Variants in ATF3 observed in about 807,000 individuals in gnomAD.
ATF3 encodes activating transcription factor 3.
ATF3 carries 10 observed loss-of-function variants against 18.4 expected under a neutral mutation model. The observed-to-expected ratio is 0.54, with a 90% CI of 0.34 to 0.92. ATF3 has a LOEUF of 0.92. ATF3 is among the 40% of genes least tolerant of loss of function. ATF3 has a pLI of 0.02. For synonymous variants in ATF3, 78 were observed against 87.9 expected (o/e 0.89, Z 0.63); for missense variants, 183 against 222.3 (o/e 0.82, Z 1.12).
In ATF3 at chr1:212,590,225, C is replaced by A. The variant is rs3106403; in HGVS notation, c.-5+24742C>A. Among the ~76,000 whole-genome samples, 543 of 148,752 alleles carry A rather than the reference C, an allele frequency of 3.7e-3. 3 individuals are homozygous for A. The highest frequency in any genetic ancestry group is 0.013 in the African/African-American group (512 of 40,530). ...GTTAATTCTAGTTTCATTTAATAAT[C>A]TGTAAGGCACGTAAGTTTAAGCTTT... is the stretch of plus-strand genomic sequence containing the variant. On this transcript the variant is annotated intron_variant, in intron 1 of 3. Transcript: ENST00000366981.
At chr1:212,576,935 G>A (rs1394027780) in intron 1 of ATF3, among the ~76,000 whole-genome samples, 1 of 151,124 alleles carries the variant, frequency 6.6e-6, no homozygotes, top group African/African-American at 2.4e-5. Flanking sequence ...GTTTCACCAC[G>A]TTGGCCAGGA....
chr1:212,602,681 G>A (rs1384846213), intron 1 of ATF3, among the ~76,000 whole-genome samples: 2 of 152,052 alleles, frequency 1.3e-5, no homozygotes, highest in Non-Finnish European at 2.9e-5. Flanking sequence ...TCCATCAAAG[G>A]GTGGTTACAA....
At chr1:212,567,343 G>A (rs1024105836) in intron 1 of ATF3, among the ~76,000 whole-genome samples, 23 of 152,278 alleles carry the variant, frequency 1.5e-4, no homozygotes, top group Middle Eastern at 3.4e-3. Context: ...GTGTTTACAC[G>A]GCAGTGGGCA....
At chr1:212,597,460 C>CTA (rs1429281314) in intron 1 of ATF3, among the ~76,000 whole-genome samples, 93 of 131,874 alleles carry the variant, frequency 7.1e-4, no homozygotes, top group African/African-American at 1.1e-3. Context: ...TCATCTATCT[C>CTA]TCTATCTAGC....
intron 1 of ATF3, among the ~76,000 whole-genome samples, chr1:212,590,563 T>C (rs1558230378): frequency 4.6e-5 from 7 of 152,210 alleles, no homozygotes. Flanking sequence ...GTTTTCAGTA[T>C]AAACACTTCC....
Position 212,619,168 on chromosome 1 carries a change from G to T in ATF3, c.349-190G>T. 1.9e-6 allele frequency: 3 copies of T among 1,613,488 alleles called. No homozygotes were observed. In the South Asian group the frequency reaches 3.3e-5, roughly 18 times the overall value. On this transcript the variant is annotated intron_variant, in intron 3 of 3. Coordinates refer to ENST00000341491, the MANE Select transcript of ATF3 (RefSeq NM_001674.4). The surrounding 1 kb of genome is among the most constrained non-coding windows in gnomAD (Gnocchi z 4.4). ...AGGCCGCCTCTGTGGCATCACCAGG[G>T]TTTCTCTGAAGAAGAGGGTCTGCAT...
intron 1 of ATF3, among the ~76,000 whole-genome samples, chr1:212,578,574 C>A (rs1423818682): frequency 6.6e-6 from 1 of 152,158 alleles, no homozygotes; most frequent in Admixed American, 6.5e-5. Context: ...TTATACTAAT[C>A]ATTTCTGAGG....
intron 1 of ATF3, among the ~76,000 whole-genome samples, chr1:212,578,585 T>A (rs1558226008): frequency 6.6e-6 from 1 of 152,028 alleles, no homozygotes; most frequent in East Asian, 1.9e-4. Context: ...ATTTCTGAGG[T>A]TTTTTTTAGT....
intron 2 of ATF3, 85 bp downstream of exon 2, chr1:212,615,346 T>C (rs1383190734): frequency 1.3e-6 from 2 of 1,506,030 alleles, no homozygotes; most frequent in Non-Finnish European, 1.8e-6. Context: ...GGCAGGGGGC[T>C]GTTGTTGAGA....
At chr1:212,581,332 A>G (rs757687466) in intron 1 of ATF3, among the ~76,000 whole-genome samples, 10 of 152,164 alleles carry the variant, frequency 6.6e-5, no homozygotes, top group Non-Finnish European at 1.2e-4. Context: ...AGTCCTAGCC[A>G]CATTCCTAGT....
rs186684920 is a variant in ATF3 at position 212,596,627 on chromosome 1, G to A, written c.-4-18391G>A. ...TGCTGTGGGGGGTGTGAAAGTTAAA[G>A]CTAAGGCTCTATATGCCAGAAAGAA... On this transcript the variant is annotated intron_variant, in intron 1 of 3. Coordinates refer to the ATF3 transcript ENST00000366981. 5.5e-4 allele frequency among the ~76,000 whole-genome samples: 84 copies of A among 152,344 alleles called. 1 individual carries two copies. The highest frequency in any genetic ancestry group is 1.9e-3 in the African/African-American group (81 of 41,572).
At chr1:212,607,908 T>TA (rs566547736), upstream of ATF3, among the ~76,000 whole-genome samples, 36,022 of 147,150 alleles carry the variant, frequency 0.24, 6,043 homozygotes, top group African/African-American at 0.48. Flanking sequence ...TTTGTGATTG[T>TA]AAAAAAAAAA....
chr1:212,570,647 C>CA (rs1453785268), intron 1 of ATF3, among the ~76,000 whole-genome samples: 1 of 152,176 alleles, frequency 6.6e-6, no homozygotes, highest in Non-Finnish European at 1.5e-5. Context: ...CCCATATAGG[C>CA]AACCACAGAT....
chr1:212,580,327 CTT>C (rs113977243), intron 1 of ATF3, among the ~76,000 whole-genome samples: 8 of 145,838 alleles, frequency 5.5e-5, no homozygotes, highest in African/African-American at 7.5e-5. Context: ...CAAATTTCCA[CTT>C]TTTTTTTTTT....
rs1341161315 is a variant in ATF3 at position 212,618,518 on chromosome 1, C to T, written c.348+284C>T. ...TACATGTCCATCAGCTTCCAGGCTGCAGGACATGCCAGCCCAGTTAAAGAG... is the reference window on the plus strand; with the variant it reads ...TACATGTCCATCAGCTTCCAGGCTGTAGGACATGCCAGCCCAGTTAAAGAG... On this transcript the variant is annotated intron_variant, in intron 3 of 3. Transcript: ENST00000341491. The surrounding 1 kb of genome is among the most constrained non-coding windows in gnomAD (Gnocchi z 4.4). 2 of 474,358 alleles carry T rather than the reference C, an allele frequency of 4.2e-6. No individual in the cohort carries two copies. The highest frequency in any genetic ancestry group is 2.0e-5 in the African/African-American group (1 of 51,146). The allele number at this position is 474,358 out of a possible 1,614,324, so 29.4% of individuals were successfully genotyped here. A position where few individuals can be genotyped will look rare whatever the true frequency, so the allele number is the denominator to read the frequency against.
intron 1 of ATF3, among the ~76,000 whole-genome samples, chr1:212,599,245 T>C (rs932256894): frequency 1.2e-4 from 19 of 152,234 alleles, no homozygotes; most frequent in Non-Finnish European, 1.6e-4. Context: ...TGAATATCTT[T>C]TAAAATAGTG....
chr1:212,583,353 C>T (rs1030055392), intron 1 of ATF3, among the ~76,000 whole-genome samples: 3 of 152,178 alleles, frequency 2.0e-5, no homozygotes, highest in African/African-American at 7.2e-5. Flanking sequence ...CTGTTTCAGC[C>T]TCCCGAGTTT....
chr1:212,594,846 A>C (rs572668464), intron 1 of ATF3, among the ~76,000 whole-genome samples: 3 of 152,248 alleles, frequency 2.0e-5, no homozygotes, highest in East Asian at 1.9e-4. Context: ...GAAAGAAGAG[A>C]GTGTTGCCAG....
Position 212,569,834 on chromosome 1 carries a change from A to G in ATF3, c.-5+4351A>G, listed in dbSNP as rs1030933653. ...AATAAACATTATTGTAGCTAAATCTATGTTCATGGCAATTCTTATTTACTT... is the reference window on the plus strand; with the variant it reads ...AATAAACATTATTGTAGCTAAATCTGTGTTCATGGCAATTCTTATTTACTT... On this transcript the variant is annotated intron_variant, in intron 1 of 3. Coordinates refer to the ATF3 transcript ENST00000366981. 3.3e-5 allele frequency among the ~76,000 whole-genome samples: 5 copies of G among 152,146 alleles called. No individual in the cohort carries two copies. In the East Asian group the frequency reaches 9.6e-4, roughly 29 times the overall value.
Sources: allele counts gnomAD v4.1 joint callset (sites outside exome capture counted in the v4.1 genomes callset), GRCh38; gene constraint gnomAD v4.1.1; non-coding constraint Gnocchi (gnomAD v3.1); transcripts MANE v1.5; gene names NCBI Gene and HGNC (gene_info 2026-07-23, HGNC 2026-07-21).